SYN3: variants seen among roughly 807,000 people sequenced by gnomAD.
The protein encoded by SYN3 is synapsin-3.
In SYN3, 35 loss-of-function variants were observed where a neutral mutation model predicts 65.8. That is an observed-to-expected ratio of 0.53 (90% CI 0.41 to 0.70). The LOEUF (loss-of-function observed/expected upper bound fraction) is 0.70. SYN3 is among the 30% of genes least tolerant of loss of function. The pLI is 0.00. For synonymous variants in SYN3, 270 were observed against 292.9 expected, an observed-to-expected ratio of 0.92 and a Z score of 0.80; for missense variants, 680 against 749.0, an observed-to-expected ratio of 0.91 and a Z score of 1.08.
At chr22:32,572,294 C>G (rs913725526) in intron 7 of SYN3, among the ~76,000 whole-genome samples, 1 of 25,934 alleles carries the variant, frequency 3.9e-5, no homozygotes, top group East Asian at 2.3e-3. Flanking sequence ...TCCCTCCTTC[C>G]TTCCTTCCCT....
intron 6 of SYN3, among the ~76,000 whole-genome samples, chr22:32,811,982 A>G (rs2046928537): frequency 6.6e-6 from 1 of 152,168 alleles, no homozygotes; most frequent in South Asian, 2.1e-4. Context: ...TGCCAGGGCT[A>G]GGAGGTGCAG....
intron 6 of SYN3, among the ~76,000 whole-genome samples, chr22:32,663,481 G>A (rs931863355): frequency 2.2e-4 from 33 of 151,818 alleles, no homozygotes; most frequent in Non-Finnish European, 2.9e-5. Flanking sequence ...TGTATTTTTA[G>A]TAGAGACGGG....
chr22:33,034,850 A>G (rs2053823577), intron 1 of SYN3, among the ~76,000 whole-genome samples: 1 of 152,126 alleles, frequency 6.6e-6, no homozygotes, highest in African/African-American at 2.4e-5. Flanking sequence ...GCAGCCCTTC[A>G]ACCACTATGA....
At chr22:32,574,001 CT>C (rs2058817551) in intron 7 of SYN3, among the ~76,000 whole-genome samples, 1 of 150,810 alleles carries the variant, frequency 6.6e-6, no homozygotes, top group Admixed American at 6.6e-5. Context: ...TGGTCTCGAA[CT>C]CCTGAGCTCA....
intron 6 of SYN3, among the ~76,000 whole-genome samples, chr22:32,646,597 G>A (rs2059987211): frequency 6.6e-6 from 1 of 152,170 alleles, no homozygotes; most frequent in South Asian, 2.1e-4. Flanking sequence ...TGTTATAATA[G>A]GTGCTCCAAG....
chr22:32,780,772 T>C (rs1012640118), intron 6 of SYN3, among the ~76,000 whole-genome samples: 1 of 152,188 alleles, frequency 6.6e-6, no homozygotes, highest in Non-Finnish European at 1.5e-5. Context: ...GAGGTAATAA[T>C]AATATTAACC....
chr22:32,620,623 A>G (rs1205583577), intron 6 of SYN3, among the ~76,000 whole-genome samples: 1 of 152,152 alleles, frequency 6.6e-6, no homozygotes, highest in Non-Finnish European at 1.5e-5. Flanking sequence ...AGATCTTCTC[A>G]ATTTTCAAGA....
At chr22:32,940,768 T>A (rs1271633978) in intron 3 of SYN3, among the ~76,000 whole-genome samples, 1 of 152,336 alleles carries the variant, frequency 6.6e-6, no homozygotes, top group East Asian at 1.9e-4. Context: ...AGCTTTACAG[T>A]GAGTCATGAC....
At chr22:32,894,906 CAA>C (rs1307629787) in intron 4 of SYN3, among the ~76,000 whole-genome samples, 2 of 152,114 alleles carry the variant, frequency 1.3e-5, no homozygotes, top group Non-Finnish European at 2.9e-5. Flanking sequence ...AGGATAATGC[CAA>C]TATTTCAGGT....
At chr22:32,816,915 C>T (rs1354219082) in intron 6 of SYN3, among the ~76,000 whole-genome samples, 1 of 152,184 alleles carries the variant, frequency 6.6e-6, no homozygotes, top group African/African-American at 2.4e-5. Flanking sequence ...CCTTGCACCA[C>T]CAATCTTAAG....
At chr22:32,783,927 C>T (rs1420915390) in intron 6 of SYN3, among the ~76,000 whole-genome samples, 1 of 152,172 alleles carries the variant, frequency 6.6e-6, no homozygotes, top group African/African-American at 2.4e-5. Flanking sequence ...CTATCTGTGC[C>T]TCAGTTTCCT....
chr22:32,541,512 C>T lies in SYN3; in HGVS notation c.917+59G>A, dbSNP rs980307501. The T allele has an allele frequency of 3.1e-6, 5 of 1,602,264 alleles. No homozygotes were observed. In the African/African-American group the frequency reaches 5.4e-5, roughly 17 times the overall value. The stretch of plus-strand genomic sequence containing the variant: ...TTGGGTGCAGGAGACAGCGGCTGGA[C>T]ATGCACCTCTGGGCTGCCTTCCTCC... On this transcript the variant is annotated intron_variant, in intron 8 of 13. Transcript: ENST00000358763.
intron 6 of SYN3, among the ~76,000 whole-genome samples, chr22:32,769,647 A>G (rs1020216471): frequency 1.3e-5 from 2 of 151,944 alleles, no homozygotes; most frequent in African/African-American, 4.8e-5. Context: ...CTTCCTGAGT[A>G]GCTGGGATTA....
chr22:32,651,744 C>A (rs1158100625), intron 6 of SYN3, among the ~76,000 whole-genome samples: 1 of 152,200 alleles, frequency 6.6e-6, no homozygotes, highest in Non-Finnish European at 1.5e-5. Flanking sequence ...CTGCAACCAA[C>A]TCCATCTCTG....
intron 2 of SYN3, among the ~76,000 whole-genome samples, chr22:33,003,516 C>T (rs532537700): frequency 1.0e-3 from 159 of 152,282 alleles, no homozygotes; most frequent in African/African-American, 3.7e-3. Flanking sequence ...GAGTAAAGGT[C>T]ACTCTTGCTA....
At chr22:32,582,912 T>C (rs1267015833) in intron 7 of SYN3, among the ~76,000 whole-genome samples, 1 of 152,232 alleles carries the variant, frequency 6.6e-6, no homozygotes, top group Non-Finnish European at 1.5e-5. Context: ...ATCGACCTGC[T>C]GAGTTGTATA....
At chr22:32,588,107 G>C (rs1161314561) in intron 7 of SYN3, among the ~76,000 whole-genome samples, 1 of 131,840 alleles carries the variant, frequency 7.6e-6, no homozygotes, top group Non-Finnish European at 1.6e-5. Context: ...CAGAACACTG[G>C]CTTTTATTAT....
intron 6 of SYN3, among the ~76,000 whole-genome samples, chr22:32,697,658 T>C (rs1318858002): frequency 6.6e-6 from 1 of 152,346 alleles, no homozygotes; most frequent in East Asian, 1.9e-4. Context: ...TGATGCAATA[T>C]GTTCACTGAG....
chr22:32,927,699 C>G (rs1167797449), intron 4 of SYN3, among the ~76,000 whole-genome samples: 1 of 152,026 alleles, frequency 6.6e-6, no homozygotes, highest in Non-Finnish European at 1.5e-5. Context: ...AAGACAATAC[C>G]TATTAACACC....
Sources: gnomAD v4.1 joint callset for allele counts (sites outside exome capture counted in the v4.1 genomes callset) on GRCh38, gnomAD v4.1.1 for gene constraint, MANE v1.5 for transcripts, NCBI Gene and HGNC (gene_info 2026-07-23, HGNC 2026-07-21) for gene names.